CCDC138: variants seen among roughly 807,000 people sequenced by gnomAD.
CCDC138 encodes coiled-coil domain-containing protein 138.
Under a neutral mutation model 82.3 loss-of-function variants are expected in CCDC138, and 66 were observed. The observed-to-expected ratio is 0.80, with a 90% confidence interval of 0.66 to 0.98. CCDC138 has a LOEUF of 0.98. Among genes scored for constraint, CCDC138 ranks in the 50% least tolerant of loss-of-function variants. The pLI is 0.00. For missense variants in CCDC138, 816 were observed against 758.9 expected (o/e 1.08, Z -0.88); for synonymous variants, 297 against 265.4 (o/e 1.12, Z -1.16).
chr2:108,820,699 CAAA>C (rs764017401), intron 10 of CCDC138, among the ~76,000 whole-genome samples: 1 of 62,588 alleles, frequency 1.6e-5, no homozygotes, highest in Non-Finnish European at 3.4e-5. Flanking sequence ...ATTCAAAGTG[CAAA>C]AAAAAAAAAA....
At chr2:108,874,858 T>C (rs2105298885) in intron 14 of CCDC138, among the ~76,000 whole-genome samples, 1 of 152,288 alleles carries the variant, frequency 6.6e-6, no homozygotes, top group South Asian at 2.1e-4. Context: ...AGTTACCTTA[T>C]GGTGCCATGA....
Position 108,850,830 on chromosome 2 carries a change from AATC to A in CCDC138, c.1516+3904_1516+3906del, listed in dbSNP as rs781453142. ...TTTTTCTCTACTCCCACATGACAAT[AATC>A]ATCCACACAGAAGAAGACTTCTGTG... On this transcript the variant is annotated intron_variant, in intron 12 of 14. Transcript: ENST00000295124. Among the ~76,000 whole-genome samples the A allele has an allele frequency of 2.1e-4, 32 of 151,942 alleles. 1 individual carries two copies. The highest frequency in any genetic ancestry group is 1.2e-3 in the South Asian group (6 of 4,812).
chr2:108,829,573 C>T (rs578185886), intron 10 of CCDC138, among the ~76,000 whole-genome samples: 4 of 152,312 alleles, frequency 2.6e-5, no homozygotes, highest in Admixed American at 2.6e-4. Context: ...TGGGGGAACC[C>T]CATCTTTACT....
At chr2:108,802,891 G>A (rs1047771817) in intron 6 of CCDC138, among the ~76,000 whole-genome samples, 4 of 152,290 alleles carry the variant, frequency 2.6e-5, no homozygotes, top group Middle Eastern at 3.4e-3. Flanking sequence ...AGATAATCAC[G>A]TGGTTTTTGT....
Position 108,857,104 on chromosome 2 carries a change from G to A in CCDC138, c.1693+134G>A, listed in dbSNP as rs556139951. 552 of 427,644 alleles carry A rather than the reference G, an allele frequency of 1.3e-3. 1 individual carries two copies. The highest frequency in any genetic ancestry group is 3.9e-3 in the Middle Eastern group (6 of 1,548). 26.5% of individuals were successfully genotyped at this position (427,644 alleles called of 1,614,324 possible). A position where few individuals can be genotyped will look rare whatever the true frequency, so the allele number is the denominator to read the frequency against. On this transcript the variant is annotated intron_variant, in intron 13 of 14. Coordinates refer to ENST00000295124, the MANE Select transcript of CCDC138 (RefSeq NM_144978.3). ...TTTTTTTTTTTTTTTTTTTGAGATG[G>A]AGTCTCGCTTTGTCGTCAAGCTGGA...
intron 10 of CCDC138, among the ~76,000 whole-genome samples, chr2:108,822,087 G>A (rs564930441): frequency 1.3e-5 from 2 of 152,126 alleles, no homozygotes; most frequent in South Asian, 2.1e-4. Flanking sequence ...CTAAAGGCAC[G>A]TATCAGCTGA....
chr2:108,874,531 A>C (rs1695737222), intron 14 of CCDC138, among the ~76,000 whole-genome samples: 1 of 152,182 alleles, frequency 6.6e-6, no homozygotes, highest in African/African-American at 2.4e-5. Context: ...ATTTAGGTTC[A>C]GCTCTTCTCC....
intron 6 of CCDC138, among the ~76,000 whole-genome samples, chr2:108,802,753 A>G (rs905112824): frequency 1.3e-5 from 2 of 149,948 alleles, no homozygotes; most frequent in African/African-American, 2.4e-5. Flanking sequence ...TCAGTATGAT[A>G]TCGGCTGTGG....
chr2:108,867,348 G>A (rs1170374606), intron 13 of CCDC138, among the ~76,000 whole-genome samples: 2 of 152,110 alleles, frequency 1.3e-5, no homozygotes, highest in Non-Finnish European at 2.9e-5. Context: ...TTTAGGAATT[G>A]AAAAAGCAAG....
chr2:108,807,781 C>G (rs1170802943), intron 7 of CCDC138, among the ~76,000 whole-genome samples: 1 of 152,076 alleles, frequency 6.6e-6, no homozygotes, highest in African/African-American at 2.4e-5. Context: ...CCACACCTGG[C>G]TAATTTTTGT....
chr2:108,883,349 A>G (rs986599033), intron 2 of CCDC138: 3 of 152,216 alleles, frequency 2.0e-5, no homozygotes, highest in Non-Finnish European at 2.9e-5. Context: ...AAGAATGTGC[A>G]CTATTTACTG....
intron 5 of CCDC138, among the ~76,000 whole-genome samples, chr2:108,795,855 G>T (rs1244864415): frequency 6.6e-6 from 1 of 152,114 alleles, no homozygotes; most frequent in Non-Finnish European, 1.5e-5. Flanking sequence ...TATTTTACAA[G>T]TTTTTAAGCA....
At chr2:108,793,153 C>A (rs1419918621) in intron 4 of CCDC138, among the ~76,000 whole-genome samples, 2 of 150,890 alleles carry the variant, frequency 1.3e-5, no homozygotes, top group Non-Finnish European at 2.9e-5. Context: ...GTCAGGAGAT[C>A]CAGACCATCC....
chr2:108,794,538 A>T lies in CCDC138; in HGVS notation c.395-2A>T, dbSNP rs1023495808. ...ATAATGCAAATGTTATTTTCTTTGC[A>T]GTTGCCTTGCCAACTAATACGACCT... On this transcript the variant is annotated splice_acceptor_variant, in intron 4 of 14. Transcript: ENST00000295124. LOFTEE classifies it high-confidence loss of function. The T allele has an allele frequency of 1.3e-6, 2 of 1,593,916 alleles. No homozygotes were observed. Among genetic ancestry groups the T allele is most frequent in the African/African-American group, 2.7e-5 (2 of 74,208 alleles).
chr2:108,809,231 T>G (rs1480371100), intron 7 of CCDC138, among the ~76,000 whole-genome samples: 1 of 152,200 alleles, frequency 6.6e-6, no homozygotes, highest in African/African-American at 2.4e-5. Context: ...TTGTAGTATA[T>G]TTTGAGTTTA....
Position 108,875,341 on chromosome 2 carries a change from CAA to C in CCDC138, c.1833-745_1833-744del, listed in dbSNP as rs1695879967. On this transcript the variant is annotated intron_variant, in intron 14 of 14. Coordinates refer to ENST00000295124, the MANE Select transcript of CCDC138 (RefSeq NM_144978.3). ...TAATAAAAAAAAAAAAAAAAAGAAACAAATTCTTAATGATTGAAATGAAATTA... is the reference window on the plus strand; with the variant it reads ...TAATAAAAAAAAAAAAAAAAAGAAACATTCTTAATGATTGAAATGAAATTA... 8.5e-5 allele frequency among the ~76,000 whole-genome samples: 10 copies of C among 118,224 alleles called. No individual in the cohort carries two copies. The East Asian group carries it at 2.5e-3, about 29-fold the overall frequency. The allele number at this position is 118,224 out of a possible 152,430, so 77.6% of individuals were successfully genotyped here.
At chr2:108,809,784 C>T (rs1683484312) in intron 7 of CCDC138, among the ~76,000 whole-genome samples, 2 of 140,708 alleles carry the variant, frequency 1.4e-5, no homozygotes, top group African/African-American at 5.1e-5. Flanking sequence ...GACAATTTGA[C>T]TCATTTCCAA....
intron 3 of CCDC138, among the ~76,000 whole-genome samples, chr2:108,789,906 A>G (rs995005493): frequency 1.4e-4 from 21 of 152,256 alleles, no homozygotes; most frequent in Non-Finnish European, 2.6e-4. Flanking sequence ...AAGAAATGCT[A>G]TGGGTATCAA....
chr2:108,871,199 C>T (rs187706136), intron 13 of CCDC138, among the ~76,000 whole-genome samples: 177 of 151,690 alleles, frequency 1.2e-3, no homozygotes, highest in Non-Finnish European at 1.4e-3. Flanking sequence ...TAGTATTCAA[C>T]AGGAAAAATA....
Sources: allele counts gnomAD v4.1 joint callset (sites outside exome capture counted in the v4.1 genomes callset), GRCh38; gene constraint gnomAD v4.1.1; transcripts MANE v1.5; gene names NCBI Gene and HGNC (gene_info 2026-07-23, HGNC 2026-07-21).